TMEM132D: variants seen among roughly 807,000 people sequenced by gnomAD.
TMEM132D encodes transmembrane protein 132D.
TMEM132D carries 21 observed loss-of-function variants against 62.3 expected under a neutral mutation model. That is an observed-to-expected ratio of 0.34 (90% CI 0.24 to 0.49). The LOEUF is 0.49. Ranked by LOEUF, TMEM132D falls within the 20% of genes least tolerant of loss-of-function variation. The pLI, the probability that TMEM132D is intolerant of heterozygous loss-of-function variation, is 0.99. For missense variants in TMEM132D, 1,346 were observed against 1,402.8 expected (o/e 0.96, Z 0.65); for synonymous variants, 621 against 575.6 (o/e 1.08, Z -1.13).
chr12:129,800,699 C>A (rs991561520), intron 1 of TMEM132D, among the ~76,000 whole-genome samples: 2 of 152,036 alleles, frequency 1.3e-5, no homozygotes, highest in African/African-American at 4.8e-5. Context: ...AAGTAATTAC[C>A]AGGGAGGAGG....
intron 1 of TMEM132D, among the ~76,000 whole-genome samples, chr12:129,753,648 A>T (rs1317111317): frequency 3.3e-5 from 5 of 152,224 alleles, no homozygotes; most frequent in Non-Finnish European, 5.9e-5. Context: ...ATCACACGAT[A>T]TTCAGCAAGT....
chr12:129,872,984 T>G (rs1874302871), intron 1 of TMEM132D, among the ~76,000 whole-genome samples: 1 of 152,058 alleles, frequency 6.6e-6, no homozygotes, highest in African/African-American at 2.4e-5. Flanking sequence ...AAATGATCCT[T>G]CATTCAGCGT....
At chr12:129,492,905 G>A (rs1874842548) in intron 3 of TMEM132D, among the ~76,000 whole-genome samples, 1 of 152,084 alleles carries the variant, frequency 6.6e-6, no homozygotes, top group Admixed American at 6.5e-5. Flanking sequence ...GAGAACTTTC[G>A]CTGGGATGGC....
intron 2 of TMEM132D, among the ~76,000 whole-genome samples, chr12:129,691,249 T>C (rs1881054678): frequency 6.6e-6 from 1 of 151,804 alleles, no homozygotes; most frequent in African/African-American, 2.4e-5. Flanking sequence ...ATCAATAACC[T>C]AATCTAAAAT....
chr12:129,879,147 G>A (rs1874519219), intron 1 of TMEM132D, among the ~76,000 whole-genome samples: 1 of 152,170 alleles, frequency 6.6e-6, no homozygotes, highest in Admixed American at 6.5e-5. Context: ...CTCCACTGGG[G>A]AAATAAATGT....
intron 4 of TMEM132D, among the ~76,000 whole-genome samples, chr12:129,280,142 G>C (rs1344330511): frequency 6.6e-6 from 1 of 152,132 alleles, no homozygotes; most frequent in African/African-American, 2.4e-5. Flanking sequence ...TCTAATTAAG[G>C]CCTAACAATG....
intron 3 of TMEM132D, among the ~76,000 whole-genome samples, chr12:129,415,946 C>T (rs541603565): frequency 1.1e-4 from 16 of 152,186 alleles, no homozygotes; most frequent in South Asian, 2.1e-4. Context: ...ACATTCTGCT[C>T]GGCTTAACAC....
intron 2 of TMEM132D, 135 bp downstream of exon 2, chr12:129,699,675 C>T: frequency 9.4e-7 from 1 of 1,061,828 alleles, no homozygotes; most frequent in South Asian, 1.6e-5. Context: ...TTCCACGGTG[C>T]AGATGGAGTT....
intron 4 of TMEM132D, among the ~76,000 whole-genome samples, chr12:129,286,047 G>C (rs911747483): frequency 4.6e-5 from 7 of 152,146 alleles, no homozygotes; most frequent in Non-Finnish European, 8.8e-5. Context: ...TATTTTAGAT[G>C]AACGGTTTAC....
chr12:129,353,281 T>C (rs890228936), intron 3 of TMEM132D, among the ~76,000 whole-genome samples: 2 of 152,100 alleles, frequency 1.3e-5, no homozygotes, highest in African/African-American at 4.8e-5. Flanking sequence ...ATGCACTAAG[T>C]CTACTTGGGG....
At chr12:129,478,009 A>C (rs1424991648) in intron 3 of TMEM132D, among the ~76,000 whole-genome samples, 1 of 152,164 alleles carries the variant, frequency 6.6e-6, no homozygotes, top group Non-Finnish European at 1.5e-5. Context: ...TCTACCACAC[A>C]CCTAGCCTAT....
chr12:129,427,598 T>C (rs1435694019), intron 3 of TMEM132D, among the ~76,000 whole-genome samples: 1 of 152,106 alleles, frequency 6.6e-6, no homozygotes, highest in Non-Finnish European at 1.5e-5. Flanking sequence ...GAAGCCTCTG[T>C]GTTGAGACTG....
chr12:129,194,039 C>T (rs1878480372), intron 5 of TMEM132D, among the ~76,000 whole-genome samples: 1 of 152,210 alleles, frequency 6.6e-6, no homozygotes, highest in African/African-American at 2.4e-5. Flanking sequence ...GGTTAGGAAG[C>T]AATCATTTGC....
intron 3 of TMEM132D, among the ~76,000 whole-genome samples, chr12:129,384,904 A>G (rs1314470163): frequency 2.0e-5 from 3 of 152,068 alleles, no homozygotes; most frequent in Admixed American, 2.0e-4. Flanking sequence ...CTATAAAAGG[A>G]AGCACCTTTC....
intron 5 of TMEM132D, among the ~76,000 whole-genome samples, chr12:129,091,108 C>T (rs749160080): frequency 2.0e-5 from 3 of 152,234 alleles, no homozygotes; most frequent in Non-Finnish European, 4.4e-5. Context: ...ATGAACACAA[C>T]TGAAGATGCC....
chr12:129,266,698 C>G (rs1593316707), intron 4 of TMEM132D, among the ~76,000 whole-genome samples: 1 of 151,662 alleles, frequency 6.6e-6, no homozygotes, highest in Non-Finnish European at 1.5e-5. Context: ...CCAATGAGAC[C>G]AACGTCTGTT....
chr12:129,557,073 C>G (rs1296396286), intron 2 of TMEM132D, among the ~76,000 whole-genome samples: 2 of 152,120 alleles, frequency 1.3e-5, no homozygotes, highest in Non-Finnish European at 2.9e-5. Context: ...TGATACCCAC[C>G]ATTATTCACT....
intron 5 of TMEM132D, among the ~76,000 whole-genome samples, chr12:129,183,951 G>C (rs955002683): frequency 6.6e-6 from 1 of 152,176 alleles, no homozygotes; most frequent in African/African-American, 2.4e-5. Flanking sequence ...CCGAAACAAA[G>C]GTGCCTGTCC....
At chr12:129,337,431 A>ACACG (rs1869319673) in intron 4 of TMEM132D, among the ~76,000 whole-genome samples, 1 of 130,366 alleles carries the variant, frequency 7.7e-6, no homozygotes, top group African/African-American at 3.0e-5. Context: ...ATAGATATAG[A>ACACG]TACACACACG....
Sources: gnomAD v4.1 joint callset for allele counts (sites outside exome capture counted in the v4.1 genomes callset) on GRCh38, gnomAD v4.1.1 for gene constraint, MANE v1.5 for transcripts, NCBI Gene and HGNC (gene_info 2026-07-23, HGNC 2026-07-21) for gene names.